Variants in CHIC1 observed in about 807,000 individuals in gnomAD.
CHIC1 encodes the protein cysteine-rich hydrophobic domain-containing protein 1.
Under a neutral mutation model 18.5 loss-of-function variants are expected in CHIC1, and 7 were observed. That is an observed-to-expected ratio of 0.38 (90% CI 0.22 to 0.71). CHIC1 has a LOEUF of 0.71. CHIC1 is among the 30% of genes least tolerant of loss of function. The pLI is 0.49. For synonymous variants in CHIC1, 77 were observed against 73.5 expected (o/e 1.05, Z -0.25); for missense variants, 159 against 176.9 (o/e 0.90, Z 0.57).
intron 3 of CHIC1, among the ~76,000 whole-genome samples, chrX:73,644,857 C>G (rs917398450): frequency 1.7e-4 from 19 of 110,791 alleles, no homozygotes; most frequent in African/African-American, 6.2e-4. Context: ...CCCAATTTTC[C>G]AGGTGCCGTC....
intron 3 of CHIC1, among the ~76,000 whole-genome samples, chrX:73,601,358 A>G (rs1451680887): frequency 1.9e-5 from 2 of 106,596 alleles, no homozygotes; most frequent in Non-Finnish European, 1.9e-5. Context: ...ATAACAAACT[A>G]TCTCTCAGAC....
Position 73,563,547 on chromosome X carries a change from C to T in CHIC1, c.263C>T (p.Pro88Leu), listed in dbSNP as rs1184937255. The change falls in exon 1 of 6, where the codon CCT becomes CTT. Residue 88 changes from proline to leucine, a missense_variant. Transcript: ENST00000373502. Reference protein sequence around the residue: ...EEHLRRYAPDPVLVRGAGHIT... With the variant: ...EEHLRRYAPDLVLVRGAGHIT... ...CATCTGCGGAGATATGCTCCCGACC[C>T]TGTATTAGTGCGGGGTGCCGGCCAC... 1.8e-6 allele frequency: 2 copies of T among 1,119,813 alleles called. No homozygotes were observed. The highest frequency in any genetic ancestry group is 2.4e-6 in the Non-Finnish European group (2 of 849,956). 92.3% of individuals were successfully genotyped at this position (1,119,813 alleles called of 1,213,427 possible). A position where few individuals can be genotyped will look rare whatever the true frequency, so the allele number is the denominator to read the frequency against.
At position 73,563,378 on chromosome X, in the gene CHIC1, C is replaced by CCGT. The variant is rs760149927; in HGVS notation, c.109_111dup (p.Ser37dup). 1.3e-5 allele frequency: 15 copies of CCGT among 1,150,408 alleles called. No homozygotes were observed. The highest frequency in any genetic ancestry group is 2.0e-5 in the South Asian group (1 of 50,477). The allele number at this position is 1,150,408 out of a possible 1,213,427, so 94.8% of individuals were successfully genotyped here. The stretch of plus-strand genomic sequence containing the variant: ...AGAAGCGGCAACGTCGTCGTCGTCG[C>CCGT]CGTCGTCGTCGTCGTCGGTATCTGG... On this transcript the variant is annotated inframe_insertion, in exon 1 of 6. Coordinates refer to ENST00000373502, the MANE Select transcript of CHIC1 (RefSeq NM_001039840.4).
intron 3 of CHIC1, among the ~76,000 whole-genome samples, chrX:73,591,988 A>G (rs1369576384): frequency 9.0e-6 from 1 of 110,841 alleles, no homozygotes; most frequent in Non-Finnish European, 1.9e-5. Context: ...TGGATCTTTT[A>G]CTTTTCCATA....
At position 73,591,579 on chromosome X, in the gene CHIC1, T is replaced by G. The variant is rs191815908; in HGVS notation, c.507+7007T>G. Among the ~76,000 whole-genome samples the G allele has an allele frequency of 1.1e-4, 12 of 111,833 alleles. No individual in the cohort carries two copies. The East Asian group carries it at 2.6e-3, about 24-fold the overall frequency. On this transcript the variant is annotated intron_variant, in intron 3 of 5. Coordinates refer to ENST00000373502, the MANE Select transcript of CHIC1 (RefSeq NM_001039840.4). ...TGGAACATTTTAATTTTAATGAATT[T>G]CACCTTATTAATGTTTTCTTTTATG...
intron 3 of CHIC1, among the ~76,000 whole-genome samples, chrX:73,663,838 A>C (rs2057992372): frequency 9.0e-6 from 1 of 111,056 alleles, no homozygotes; most frequent in African/African-American, 3.3e-5. Context: ...GATCCAGGGG[A>C]AAGGATATGC....
At position 73,599,479 on chromosome X, in the gene CHIC1, G is replaced by A. The variant is rs765354957; in HGVS notation, c.507+14907G>A. 1.0e-3 allele frequency among the ~76,000 whole-genome samples: 103 copies of A among 99,310 alleles called. No homozygotes were observed. In the East Asian group the frequency reaches 0.017, roughly 17 times the overall value. The allele number at this position is 99,310 out of a possible 115,157, so 86.2% of individuals were successfully genotyped here. On this transcript the variant is annotated intron_variant, in intron 3 of 5. Transcript: ENST00000373502. ...TTATGGTTTTAGGTCTAACGTTTAA[G>A]TCTTTAATCCATCTTGAATTGATTT...
In CHIC1 at chrX:73,683,536, A is replaced by G. The variant is rs991761017; in HGVS notation, c.*2531A>G. 5.4e-5 allele frequency: 6 copies of G among 111,615 alleles called. No homozygotes were observed. Among genetic ancestry groups the G allele is most frequent in the African/African-American group, 1.9e-4 (6 of 30,802 alleles). The allele number at this position is 111,615 out of a possible 1,213,427, so 9.2% of individuals were successfully genotyped here. A position where few individuals can be genotyped will look rare whatever the true frequency, so the allele number is the denominator to read the frequency against. On this transcript the variant is annotated 3_prime_UTR_variant, in exon 6 of 6. Transcript: ENST00000373502. ...CTTTTTTCTGTTATGCTTAGGATAG[A>G]ACATACTTGTAATTTTCCATTAGGT...
intron 1 of CHIC1, among the ~76,000 whole-genome samples, 171 bp from the exon 2 acceptor site, chrX:73,577,236 T>C (rs2057503693): frequency 9.0e-6 from 1 of 110,591 alleles, no homozygotes; most frequent in Non-Finnish European, 1.9e-5. Context: ...TTAGTTTGGA[T>C]TAATAATCAA....
At chrX:73,641,262 T>G (rs1477338029) in intron 3 of CHIC1, among the ~76,000 whole-genome samples, 1 of 111,195 alleles carries the variant, frequency 9.0e-6, no homozygotes, top group Non-Finnish European at 1.9e-5. Context: ...GATTGTGTGG[T>G]CAATTTTATA....
intron 3 of CHIC1, among the ~76,000 whole-genome samples, chrX:73,678,023 T>G (rs1308781552): frequency 6.5e-5 from 7 of 108,130 alleles, no homozygotes; most frequent in African/African-American, 2.4e-4. Flanking sequence ...TACATTGATA[T>G]CCACATCTGC....
At chrX:73,670,475 CTA>C (rs2058024611) in intron 3 of CHIC1, among the ~76,000 whole-genome samples, 1 of 109,601 alleles carries the variant, frequency 9.1e-6, no homozygotes, top group African/African-American at 3.3e-5. Flanking sequence ...TTTTTAGTCT[CTA>C]TTTTTTTCTG....
intron 3 of CHIC1, among the ~76,000 whole-genome samples, chrX:73,631,782 AT>A (rs754472724): frequency 9.0e-6 from 1 of 111,148 alleles, no homozygotes; most frequent in Non-Finnish European, 1.9e-5. Context: ...TTTCCTTTTG[AT>A]TTTTTTGACC....
chrX:73,632,195 T>A (rs1480458428), intron 3 of CHIC1, among the ~76,000 whole-genome samples: 1 of 112,337 alleles, frequency 8.9e-6, no homozygotes, highest in African/African-American at 3.2e-5. Context: ...TCTTGATATA[T>A]ATTCTCTTGA....
intron 3 of CHIC1, among the ~76,000 whole-genome samples, chrX:73,651,490 A>G (rs982072526): frequency 5.4e-5 from 6 of 111,334 alleles, no homozygotes; most frequent in Admixed American, 1.9e-4. Context: ...CCATTGTCTC[A>G]GCCACAAAAC....
At chrX:73,584,343 A>C in intron 2 of CHIC1, 74 bp from the exon 3 acceptor site, 1 of 884,919 alleles carries the variant, frequency 1.1e-6, no homozygotes, top group Non-Finnish European at 1.5e-6. Flanking sequence ...ATTTGTAATA[A>C]ATGTTTTTCT....
At chrX:73,671,516 C>A (rs1314181381) in intron 3 of CHIC1, among the ~76,000 whole-genome samples, 1 of 111,372 alleles carries the variant, frequency 9.0e-6, no homozygotes, top group Non-Finnish European at 1.9e-5. Flanking sequence ...GATTTGTCTT[C>A]AAGTTCAGAA....
At chrX:73,598,901 C>T (rs2057626390) in intron 3 of CHIC1, among the ~76,000 whole-genome samples, 1 of 108,005 alleles carries the variant, frequency 9.3e-6, no homozygotes, top group African/African-American at 3.4e-5. Context: ...CCTGAGGAAT[C>T]GCCACACTGA....
At chrX:73,671,619 G>A (rs910857800) in intron 3 of CHIC1, among the ~76,000 whole-genome samples, 2 of 110,545 alleles carry the variant, frequency 1.8e-5, no homozygotes, top group Non-Finnish European at 3.8e-5. Flanking sequence ...TTTCTGTTTT[G>A]TTCTTTTTAA....
Sources: allele counts gnomAD v4.1 joint callset (sites outside exome capture counted in the v4.1 genomes callset), GRCh38; gene constraint gnomAD v4.1.1; transcripts MANE v1.5; gene names NCBI Gene and HGNC (gene_info 2026-07-23, HGNC 2026-07-21).